The following DYSF variants were observed in gnomAD, a reference collection of about 807,000 sequenced individuals.
DYSF encodes the protein dysferlin.
In DYSF, 212 loss-of-function variants were observed where a neutral mutation model predicts 274.9. That is an observed-to-expected ratio of 0.77 (90% CI 0.69 to 0.86). DYSF has a LOEUF of 0.86. DYSF is among the 40% of genes least tolerant of loss of function. The pLI, the probability that DYSF is intolerant of heterozygous loss-of-function variation, is 0.00. For synonymous variants in DYSF, 1,091 were observed against 1,078.7 expected, an observed-to-expected ratio of 1.01 and a Z score of -0.22; for missense variants, 2,666 against 2,783.2, an observed-to-expected ratio of 0.96 and a Z score of 0.95.
At chr2:71,571,025 C>T in intron 29 of DYSF, 1 of 456,200 alleles carries the variant, frequency 2.2e-6, no homozygotes, top group East Asian at 3.8e-5. Context: ...TCACACTCAG[C>T]ACACACACAG....
intron 17 of DYSF, among the ~76,000 whole-genome samples, chr2:71,543,643 C>T (rs1022356556): frequency 1.2e-4 from 19 of 152,200 alleles, no homozygotes; most frequent in Non-Finnish European, 1.5e-5. Context: ...GCAGATCACT[C>T]GCGGTTAGGA....
chr2:71,504,981 C>G (rs1336881445), intron 4 of DYSF, among the ~76,000 whole-genome samples: 1 of 152,188 alleles, frequency 6.6e-6, no homozygotes, highest in Non-Finnish European at 1.5e-5. Flanking sequence ...CTTCACCAAC[C>G]GTGTCTCCAA....
At chr2:71,490,259 A>G (rs1412477236) in intron 3 of DYSF, among the ~76,000 whole-genome samples, 2 of 152,264 alleles carry the variant, frequency 1.3e-5, no homozygotes, top group Admixed American at 1.3e-4. Flanking sequence ...TATAAAGGAA[A>G]AAGTACAAGT....
intron 14 of DYSF, among the ~76,000 whole-genome samples, chr2:71,533,560 G>A (rs1301295647): frequency 6.6e-6 from 1 of 152,242 alleles, no homozygotes; most frequent in East Asian, 1.9e-4. Flanking sequence ...TTCAAGCCAT[G>A]CTGCAGTGAA....
chr2:71,645,019 G>C (rs2094545723), intron 42 of DYSF, among the ~76,000 whole-genome samples: 1 of 152,168 alleles, frequency 6.6e-6, no homozygotes, highest in Non-Finnish European at 1.5e-5. Context: ...CAGATGGGCA[G>C]GTTGTGGGGC....
At chr2:71,516,131 T>C in intron 8 of DYSF, 49 bp from the exon 9 acceptor site, 1 of 1,581,912 alleles carries the variant, frequency 6.3e-7, no homozygotes, top group Non-Finnish European at 8.7e-7. Context: ...CTCCCTGGCC[T>C]GAGGGATCAG....
chr2:71,500,631 C>G (rs145293194), intron 3 of DYSF, among the ~76,000 whole-genome samples: 153 of 152,206 alleles, frequency 1.0e-3, no homozygotes, highest in African/African-American at 3.6e-3. Context: ...GCTGGGAGGG[C>G]TGGACAACCA....
At chr2:71,528,542 T>C (rs1573762285) in intron 14 of DYSF, 141 bp downstream of exon 14, 1 of 727,388 alleles carries the variant, frequency 1.4e-6, no homozygotes, top group Non-Finnish European at 2.4e-6. Context: ...TGGTGCGTGG[T>C]GAGACACCCA....
At chr2:71,583,854 G>A (rs945821191) in intron 30 of DYSF, among the ~76,000 whole-genome samples, 12 of 152,196 alleles carry the variant, frequency 7.9e-5, no homozygotes, top group African/African-American at 2.9e-4. Context: ...GCAGACTCAG[G>A]TGAGTTTGGC....
At position 71,682,540 on chromosome 2, in the gene DYSF, A is replaced by T; in HGVS notation, c.6184A>T (p.Thr2062Ser). 6.2e-7 allele frequency: 1 copy of T among 1,613,388 alleles called. No homozygotes were observed. The highest frequency in any genetic ancestry group is 8.5e-7 in the Non-Finnish European group (1 of 1,179,852). ...GGATCTCGCTTCCAGGCGCCCCGACACCTCCTTCCTGTGGTTTACCTCCCC... is the reference window on the plus strand; with the variant it reads ...GGATCTCGCTTCCAGGCGCCCCGACTCCTCCTTCCTGTGGTTTACCTCCCC... ...PKLEDPRRPD[T>S]SFLWFTSPYK... The change falls in exon 55 of 56, where the codon ACC (threonine) becomes TCC (serine). Residue 2062 changes from threonine to serine, a missense_variant. By Grantham distance (58) the Thr-to-Ser change is moderately conservative. Coordinates refer to ENST00000410020, the MANE Select transcript of DYSF (RefSeq NM_001130987.2).
chr2:71,563,775 C>G (rs2091922938), intron 23 of DYSF, among the ~76,000 whole-genome samples: 1 of 152,220 alleles, frequency 6.6e-6, no homozygotes, highest in East Asian at 1.9e-4. Flanking sequence ...GCAGGAGTGT[C>G]TCTTCCCAGA....
chr2:71,501,394 TTTTTAA>T (rs2084953599), intron 3 of DYSF, among the ~76,000 whole-genome samples: 3 of 152,266 alleles, frequency 2.0e-5, no homozygotes, highest in African/African-American at 7.2e-5. Flanking sequence ...AAGTGGCTAG[TTTTTAA>T]TTTTAAGTTT....
intron 21 of DYSF, 110 bp from the exon 22 acceptor site, chr2:71,555,855 C>A: frequency 1.2e-6 from 1 of 856,022 alleles, no homozygotes; most frequent in Non-Finnish European, 1.9e-6. Flanking sequence ...TTTGCTCTAA[C>A]TGTTCACTCC....
At chr2:71,661,175 A>G (rs1458665495) in intron 45 of DYSF, among the ~76,000 whole-genome samples, 3 of 150,180 alleles carry the variant, frequency 2.0e-5, no homozygotes, top group Non-Finnish European at 4.4e-5. Flanking sequence ...AGCTCAGAAG[A>G]TGCATTTGCT....
intron 42 of DYSF, 96 bp downstream of exon 42, chr2:71,644,159 C>A: frequency 9.5e-7 from 1 of 1,056,290 alleles, no homozygotes; most frequent in Non-Finnish European, 1.4e-6. Flanking sequence ...GATGTATTTG[C>A]ATTTGTCTCC....
At chr2:71,674,052 C>T in intron 51 of DYSF, 145 bp from the exon 52 acceptor site, 1 of 737,080 alleles carries the variant, frequency 1.4e-6, no homozygotes, top group Admixed American at 2.0e-5. Flanking sequence ...CCTTCCCAGT[C>T]TTCCCACAGG....
Position 71,600,703 on chromosome 2 carries a change from G to T in DYSF, c.3758G>T (p.Gly1253Val). Reference sequence around the variant, plus strand: ...CTTGTCTCTCTACGCTTGGTCTAGGGTGCAGACGAGTTTATGGGTCGCTGC... The same window carrying T: ...CTTGTCTCTCTACGCTTGGTCTAGGTTGCAGACGAGTTTATGGGTCGCTGC... ...VVELYDHDTYGADEFMGRCIC... is the reference protein window; with the variant it reads ...VVELYDHDTYVADEFMGRCIC... Residue 1253 changes from glycine to valine, a missense_variant and splice_region_variant, in exon 34 of 56, where the codon GGT becomes GTT. This residue lies in a region of DYSF where 1,460 missense variants were observed against 1,502.1 expected (regional missense o/e 0.97). Transcript: ENST00000410020. The T allele has an allele frequency of 6.2e-7, 1 of 1,614,088 alleles. No individual in the cohort carries two copies. The highest frequency in any genetic ancestry group is 1.3e-5 in the African/African-American group (1 of 75,072).
chr2:71,488,185 G>T (rs1460479534), intron 3 of DYSF, among the ~76,000 whole-genome samples: 1 of 152,056 alleles, frequency 6.6e-6, no homozygotes, highest in Non-Finnish European at 1.5e-5. Flanking sequence ...CCAATGAAAA[G>T]AATTTTGGTA....
intron 48 of DYSF, 85 bp from the exon 49 acceptor site, chr2:71,668,669 C>T (rs2095061596): frequency 1.5e-6 from 2 of 1,310,914 alleles, no homozygotes; most frequent in Admixed American, 1.9e-5. Flanking sequence ...CTGTTCTGTG[C>T]CCTCAGCATC....
Sources: gnomAD v4.1 joint callset for allele counts (sites outside exome capture counted in the v4.1 genomes callset) on GRCh38, gnomAD v4.1.1 for gene constraint, gnomAD v4.1.1 regional missense constraint, MANE v1.5 for transcripts, NCBI Gene and HGNC (gene_info 2026-07-23, HGNC 2026-07-21) for gene names.